ROCK2: variants seen among roughly 807,000 people sequenced by gnomAD.
ROCK2 encodes rho-associated protein kinase 2.
ROCK2 carries 61 observed loss-of-function variants against 195.1 expected under a neutral mutation model. The ratio of observed to expected loss-of-function variants is 0.31; its 90% CI spans 0.25 to 0.39. The LOEUF (loss-of-function observed/expected upper bound fraction) is 0.39. Among genes scored for constraint, ROCK2 ranks in the 10% least tolerant of loss-of-function variants. The probability of loss-of-function intolerance (pLI) is 1.00; values close to 1 mark genes in which losing one functional copy is unlikely to be tolerated. For missense variants in ROCK2, 1,109 were observed against 1,637.4 expected, an observed-to-expected ratio of 0.68 and a Z score of 5.57; for synonymous variants, 504 against 545.5, an observed-to-expected ratio of 0.92 and a Z score of 1.06.
chr2:11,247,499 C>G (rs1051018338), intron 4 of ROCK2, among the ~76,000 whole-genome samples: 7 of 152,254 alleles, frequency 4.6e-5, no homozygotes, highest in Admixed American at 3.9e-4. Context: ...TACTATGTTT[C>G]ACTATTGGTT....
intron 1 of ROCK2, among the ~76,000 whole-genome samples, chr2:11,337,045 C>A (rs1200817603): frequency 6.6e-6 from 1 of 152,092 alleles, no homozygotes; most frequent in Non-Finnish European, 1.5e-5. Flanking sequence ...GAGTTGGAGA[C>A]CAGCCTGGCC....
rs747304783 is a variant in ROCK2, at chr2:11,188,103, ATTTTTTTTTTT to A, written c.4163+4034_4163+4044del. On this transcript the variant is annotated intron_variant, in intron 32 of 32. Transcript: ENST00000315872. ...TACCCTCTAGCCAAACTGGTATATA[ATTTTTTTTTTT>A]TTTTTTTTTTTTGTGTGACGGAGTC... is the stretch of plus-strand genomic sequence containing the variant. Among the ~76,000 whole-genome samples the A allele has an allele frequency of 9.8e-5, 11 of 112,644 alleles. No homozygotes were observed. In the Admixed American group the frequency reaches 1.0e-3, roughly 10 times the overall value. 73.9% of individuals were successfully genotyped at this position (112,644 alleles called of 152,430 possible). A position where few individuals can be genotyped will look rare whatever the true frequency, so the allele number is the denominator to read the frequency against.
rs183679162 is a variant in ROCK2 at position 11,293,197 on chromosome 2, G to T, written c.142-5461C>A. On this transcript the variant is annotated intron_variant, in intron 1 of 32. Coordinates refer to ENST00000315872, the MANE Select transcript of ROCK2 (RefSeq NM_004850.5). ...TAAGAAACCTGGGTTACATCATCAC[G>T]GTTCTGCCATTTAGTGGCAACTTAA... Among the ~76,000 whole-genome samples the T allele has an allele frequency of 4.4e-3, 674 of 152,250 alleles. 4 individuals are homozygous for T. Among genetic ancestry groups the T allele is most frequent in the African/African-American group, 0.016 (658 of 41,546 alleles).
intron 4 of ROCK2, among the ~76,000 whole-genome samples, chr2:11,243,003 T>C (rs1161259221): frequency 6.6e-6 from 1 of 152,138 alleles, no homozygotes; most frequent in African/African-American, 2.4e-5. Context: ...CTCATTTCAC[T>C]TTCTAGTGCC....
chr2:11,212,939 A>G (rs1361531572), intron 17 of ROCK2, among the ~76,000 whole-genome samples: 1 of 152,186 alleles, frequency 6.6e-6, no homozygotes, highest in Non-Finnish European at 1.5e-5. Context: ...TAAGAGGACT[A>G]AAGTGGGTTT....
intron 20 of ROCK2, among the ~76,000 whole-genome samples, chr2:11,203,039 T>C (rs1046759959): frequency 6.6e-6 from 1 of 152,102 alleles, no homozygotes; most frequent in Non-Finnish European, 1.5e-5. Context: ...CTGCACAGAT[T>C]TGTATACTTT....
At chr2:11,199,923 C>T (rs959375700) in intron 23 of ROCK2, among the ~76,000 whole-genome samples, 7 of 152,156 alleles carry the variant, frequency 4.6e-5, no homozygotes, top group African/African-American at 1.7e-4. Flanking sequence ...ACTTACTGTA[C>T]TATGCCATAC....
At position 11,304,795 on chromosome 2, in the gene ROCK2, G is replaced by T. The variant is rs185805912; in HGVS notation, c.142-17059C>A. Among the ~76,000 whole-genome samples, 7 of 152,110 alleles carry T rather than the reference G, an allele frequency of 4.6e-5. No homozygotes were observed. In the South Asian group the frequency reaches 1.5e-3, roughly 32 times the overall value. ...TTCTAAACGTTTCGAAATCACAACC[G>T]GTACCCTACACAAGAAGTAGGAATG... is the stretch of plus-strand genomic sequence containing the variant. On this transcript the variant is annotated intron_variant, in intron 1 of 32. Coordinates refer to ENST00000315872, the MANE Select transcript of ROCK2 (RefSeq NM_004850.5).
rs922796235 is a variant in ROCK2, at chr2:11,179,836, C to A, written c.*3601G>T. ...GGCATAAAATACAATTACATTACTA[C>A]GAAGATGCAACAAAATTTTAAAAAA... On this transcript the variant is annotated 3_prime_UTR_variant, in exon 33 of 33. Coordinates refer to ENST00000315872, the MANE Select transcript of ROCK2 (RefSeq NM_004850.5). 1 of 151,842 alleles carries A rather than the reference C, an allele frequency of 6.6e-6. No individual in the cohort carries two copies. The highest frequency in any genetic ancestry group is 1.5e-5 in the Non-Finnish European group (1 of 67,990). 9.4% of individuals were successfully genotyped at this position (151,842 alleles called of 1,614,324 possible).
chr2:11,314,027 A>C (rs1040656681), intron 1 of ROCK2, among the ~76,000 whole-genome samples: 1 of 151,958 alleles, frequency 6.6e-6, no homozygotes, highest in African/African-American at 2.4e-5. Context: ...AGATGTAAAG[A>C]AAGTGACTCA....
In ROCK2 at chr2:11,335,106, GAT is replaced by G. The variant is rs1277724257; in HGVS notation, c.141+8888_141+8889del. Reference sequence around the variant, plus strand: ...TGAATCCAAATAGTTCCCTTTGACTGATACACACACACACACACACACACACA... The same window carrying G: ...TGAATCCAAATAGTTCCCTTTGACTGACACACACACACACACACACACACA... On this transcript the variant is annotated intron_variant, in intron 1 of 32. Transcript: ENST00000315872. 1.5e-4 allele frequency among the ~76,000 whole-genome samples: 14 copies of G among 93,262 alleles called. No homozygotes were observed. In the South Asian group the frequency reaches 5.4e-3, roughly 36 times the overall value. 61.2% of individuals were successfully genotyped at this position (93,262 alleles called of 152,430 possible).
intron 32 of ROCK2, among the ~76,000 whole-genome samples, chr2:11,188,252 G>A (rs1265845496): frequency 6.6e-6 from 1 of 151,744 alleles, no homozygotes; most frequent in Non-Finnish European, 1.5e-5. Context: ...TGGGATTACA[G>A]GCGCCTGACA....
At chr2:11,221,102 A>T in intron 9 of ROCK2, 96 bp downstream of exon 9, 1 of 870,898 alleles carries the variant, frequency 1.1e-6, no homozygotes, top group Non-Finnish European at 1.7e-6. Flanking sequence ...AAAACAAATT[A>T]ATACTTTATC....
intron 1 of ROCK2, among the ~76,000 whole-genome samples, chr2:11,299,778 T>G (rs1352678686): frequency 6.6e-6 from 1 of 152,170 alleles, no homozygotes; most frequent in Non-Finnish European, 1.5e-5. Flanking sequence ...CCAACCTAAT[T>G]TTCATGGAAA....
intron 1 of ROCK2, among the ~76,000 whole-genome samples, chr2:11,324,478 C>T (rs1230911350): frequency 2.0e-5 from 3 of 152,198 alleles, no homozygotes; most frequent in African/African-American, 4.8e-5. Context: ...AAAACCTGCA[C>T]ACAAACATTT....
chr2:11,194,103 C>G (rs768470155), intron 29 of ROCK2, 153 bp downstream of exon 29: 87 of 456,646 alleles, frequency 1.9e-4, no homozygotes, highest in Non-Finnish European at 3.0e-4. Context: ...TTTAACTAAC[C>G]CTGTATCCCA....
chr2:11,321,261 C>T (rs531667921), intron 1 of ROCK2, among the ~76,000 whole-genome samples: 2 of 152,224 alleles, frequency 1.3e-5, no homozygotes, highest in Admixed American at 6.5e-5. Context: ...CTGCAACCTC[C>T]GCCTCCAACG....
At chr2:11,319,217 T>C (rs188378246) in intron 1 of ROCK2, among the ~76,000 whole-genome samples, 1 of 152,346 alleles carries the variant, frequency 6.6e-6, no homozygotes, top group Admixed American at 6.5e-5. Flanking sequence ...TCCACAATAT[T>C]GATTCTTCCT....
chr2:11,257,519 A>G (rs1307661012), intron 3 of ROCK2, among the ~76,000 whole-genome samples: 2 of 151,472 alleles, frequency 1.3e-5, no homozygotes, highest in Non-Finnish European at 2.9e-5. Flanking sequence ...ACATGTTTTG[A>G]GTAGCCTTGC....
Sources: allele counts gnomAD v4.1 joint callset (sites outside exome capture counted in the v4.1 genomes callset), GRCh38; gene constraint gnomAD v4.1.1; transcripts MANE v1.5; gene names NCBI Gene and HGNC (gene_info 2026-07-23, HGNC 2026-07-21).